Variants in TENM1 observed in about 807,000 individuals in gnomAD.
TENM1 encodes teneurin-1.
TENM1 carries 35 observed loss-of-function variants against 174.8 expected under a neutral mutation model. That is an observed-to-expected ratio of 0.20 (90% CI 0.15 to 0.27). TENM1 has a LOEUF of 0.27. Among genes scored for constraint, TENM1 ranks in the 10% least tolerant of loss-of-function variants. The probability of loss-of-function intolerance (pLI) is 1.00; values close to 1 mark genes in which losing one functional copy is unlikely to be tolerated. For missense variants in TENM1, 1,633 were observed against 2,130.1 expected, an observed-to-expected ratio of 0.77 and a Z score of 4.59; for synonymous variants, 781 against 798.7, an observed-to-expected ratio of 0.98 and a Z score of 0.37.
the TENM1 span, among the ~76,000 whole-genome samples, chrX:125,146,880 A>G: frequency 1.8e-5 from 2 of 111,112 alleles, no homozygotes; most frequent in African/African-American, 6.5e-5. Context: ...CATAGTCCCT[A>G]AAAATTTCCA....
chrX:124,956,014 T>C (rs1433579978), intron 1 of TENM1, among the ~76,000 whole-genome samples: 1 of 111,880 alleles, frequency 8.9e-6, no homozygotes, highest in East Asian at 2.8e-4. Context: ...ATGGGTATAA[T>C]AATGATCCCA....
At chrX:124,661,940 C>T (rs779390124) in intron 6 of TENM1, among the ~76,000 whole-genome samples, 4 of 111,315 alleles carry the variant, frequency 3.6e-5, no homozygotes, top group Middle Eastern at 4.6e-3. Flanking sequence ...GATGCTACCA[C>T]ACTTACTGTG....
the TENM1 span, among the ~76,000 whole-genome samples, chrX:125,175,970 T>G: frequency 8.9e-6 from 1 of 111,894 alleles, no homozygotes; most frequent in African/African-American, 3.2e-5. Context: ...TTACCCTTTG[T>G]GTAGACATTC....
At chrX:124,404,111 A>C (rs769818501) in intron 27 of TENM1, among the ~76,000 whole-genome samples, 2 of 111,522 alleles carry the variant, frequency 1.8e-5, no homozygotes, top group Non-Finnish European at 3.8e-5. Flanking sequence ...TTAAAAAGAA[A>C]ATTTTATATT....
the TENM1 span, among the ~76,000 whole-genome samples, chrX:125,058,560 T>C: frequency 9.0e-6 from 1 of 111,564 alleles, no homozygotes; most frequent in African/African-American, 3.2e-5. Flanking sequence ...GAATGCAGAA[T>C]TCCTCAGGAG....
At chrX:124,497,111 T>C (rs1256652537) in exon 20 of TENM1, 1 of 1,208,488 alleles carries the variant, frequency 8.3e-7, no homozygotes, top group Non-Finnish European at 1.1e-6. Context: ...GGCCAGAAGC[T>C]AAGGCGACAG....
intron 3 of TENM1, among the ~76,000 whole-genome samples, chrX:124,884,139 TG>T: frequency 9.0e-6 from 1 of 111,188 alleles, no homozygotes. Flanking sequence ...CAGGGTAGCC[TG>T]TCATTAGGGT....
intron 11 of TENM1, among the ~76,000 whole-genome samples, chrX:124,587,037 G>T (rs762902678): frequency 1.3e-4 from 14 of 109,569 alleles, no homozygotes; most frequent in Non-Finnish European, 2.7e-4. Context: ...GGAAATAAAA[G>T]AGGATACAAA....
At chrX:125,117,312 C>G in the TENM1 span, among the ~76,000 whole-genome samples, 3 of 112,191 alleles carry the variant, frequency 2.7e-5, no homozygotes, top group Admixed American at 9.5e-5. Context: ...AAATGTCCAA[C>G]AGTGACAGAC....
At chrX:125,148,721 C>T in the TENM1 span, among the ~76,000 whole-genome samples, 1 of 111,716 alleles carries the variant, frequency 9.0e-6, no homozygotes, top group East Asian at 2.8e-4. Context: ...TTCGTAGTGG[C>T]TGGATCTAGA....
chrX:124,556,533 T>A (rs1223290016), intron 14 of TENM1, among the ~76,000 whole-genome samples: 1 of 111,751 alleles, frequency 8.9e-6, no homozygotes, highest in African/African-American at 3.3e-5. Flanking sequence ...AGAGTCCTAA[T>A]CCACCATGAC....
chrX:124,842,458 C>A lies in TENM1; in HGVS notation c.535+51838G>T, dbSNP rs957492645. Among the ~76,000 whole-genome samples the A allele has an allele frequency of 2.7e-5, 3 of 111,430 alleles. No homozygotes were observed. The Admixed American group carries it at 2.9e-4, about 11-fold the overall frequency. ...CCAAGCTGGAAGTTGAATGACAATT[C>A]CACTGGGCCTTAGCTTAGGATGCCA... On this transcript the variant is annotated intron_variant, in intron 3 of 31. Transcript: ENST00000422452.
intron 3 of TENM1, among the ~76,000 whole-genome samples, chrX:124,844,090 T>C (rs1401667557): frequency 9.0e-6 from 1 of 111,190 alleles, no homozygotes; most frequent in African/African-American, 3.3e-5. Flanking sequence ...ACACTTTATG[T>C]AAGAGACTCA....
intron 1 of TENM1, among the ~76,000 whole-genome samples, chrX:124,940,441 C>G (rs2058309111): frequency 9.0e-6 from 1 of 111,712 alleles, no homozygotes. Context: ...CAGTTATTTC[C>G]TATGTCAGTC....
chrX:124,504,654 C>T (rs1348731479), intron 18 of TENM1, among the ~76,000 whole-genome samples: 9 of 111,217 alleles, frequency 8.1e-5, no homozygotes, highest in Non-Finnish European at 1.7e-4. Context: ...TTAAAATAGC[C>T]CCTGTTGGTC....
At chrX:124,992,972 G>A in the TENM1 span, among the ~76,000 whole-genome samples, 1 of 110,522 alleles carries the variant, frequency 9.0e-6, no homozygotes, top group Non-Finnish European at 1.9e-5. Context: ...CTCTCCCTTG[G>A]TCTCTAAATA....
At chrX:124,519,552 C>T (rs1602586213) in intron 18 of TENM1, among the ~76,000 whole-genome samples, 3 of 110,942 alleles carry the variant, frequency 2.7e-5, no homozygotes, top group South Asian at 7.9e-4. Flanking sequence ...TTAAAATAAT[C>T]TTCTCATCTG....
chrX:125,071,297 T>C, the TENM1 span, among the ~76,000 whole-genome samples: 2 of 111,806 alleles, frequency 1.8e-5, no homozygotes, highest in Non-Finnish European at 3.8e-5. Context: ...AAAACAGACA[T>C]GGTGACTAAG....
the TENM1 span, among the ~76,000 whole-genome samples, chrX:125,182,479 T>G: frequency 9.7e-6 from 1 of 102,848 alleles, no homozygotes; most frequent in Non-Finnish European, 2.0e-5. Context: ...TTTCCCACCA[T>G]AACCAATGAT....
Sources: allele counts gnomAD v4.1 joint callset (sites outside exome capture counted in the v4.1 genomes callset), GRCh38; gene constraint gnomAD v4.1.1; transcripts MANE v1.5; gene names NCBI Gene and HGNC (gene_info 2026-07-23, HGNC 2026-07-21).